MOB3B: variants seen among roughly 807,000 people sequenced by gnomAD.
MOB3B encodes MOB kinase activator 3B, also known as MOB kinase activator-like 2B.
Under a neutral mutation model 18.7 loss-of-function variants are expected in MOB3B, and 7 were observed. That is an observed-to-expected ratio of 0.37 (90% confidence interval 0.21 to 0.70). The LOEUF (loss-of-function observed/expected upper bound fraction) is 0.70, where lower values mean the gene tolerates loss of function less well. Among genes scored for constraint, MOB3B ranks in the 30% least tolerant of loss-of-function variants. MOB3B has a pLI of 0.52. For synonymous variants in MOB3B, 111 were observed against 99.9 expected, an observed-to-expected ratio of 1.11 and a Z score of -0.66; for missense variants, 253 against 281.3, an observed-to-expected ratio of 0.90 and a Z score of 0.72.
At position 27,326,780 on chromosome 9, in the gene MOB3B, G is replaced by A. The variant is rs749495396; in HGVS notation, c.*3807C>T. On this transcript the variant is annotated 3_prime_UTR_variant, in exon 4 of 4. Transcript: ENST00000262244. ...AGATCAGTATTTCTCAATTACAGCC[G>A]TGTAAGACATTTTCTTCCTAATCAT... is the stretch of plus-strand genomic sequence containing the variant. 2.9e-4 allele frequency: 115 copies of A among 394,594 alleles called. 1 individual carries two copies. Among genetic ancestry groups the A allele is most frequent in the South Asian group, 1.3e-3 (9 of 6,968 alleles). The allele number at this position is 394,594 out of a possible 1,614,324, so 24.4% of individuals were successfully genotyped here.
chr9:27,488,673 G>T (rs1293530107), intron 1 of MOB3B, among the ~76,000 whole-genome samples: 1 of 152,186 alleles, frequency 6.6e-6, no homozygotes, highest in Non-Finnish European at 1.5e-5. Flanking sequence ...CTGCCAAAGT[G>T]CTGGGATTAC....
Position 27,328,782 on chromosome 9 carries a change from T to G in MOB3B, c.*1805A>C, listed in dbSNP as rs1820745925. 1 of 152,624 alleles carries G rather than the reference T, an allele frequency of 6.6e-6. No individual in the cohort carries two copies. Among genetic ancestry groups the G allele is most frequent in the African/African-American group, 2.4e-5 (1 of 41,436 alleles). The allele number at this position is 152,624 out of a possible 1,614,324, so 9.5% of individuals were successfully genotyped here. On this transcript the variant is annotated 3_prime_UTR_variant, in exon 4 of 4. Coordinates refer to ENST00000262244, the MANE Select transcript of MOB3B (RefSeq NM_024761.5). ...AGGCTGGGACTTAGGGGCTCTTGTT[T>G]CTGTTCTCTGGATCTCTGTGATGGT...
chr9:27,398,954 T>C (rs973140204), intron 2 of MOB3B, among the ~76,000 whole-genome samples: 1 of 151,596 alleles, frequency 6.6e-6, no homozygotes, highest in African/African-American at 2.4e-5. Flanking sequence ...TTTTTTTTAA[T>C]CTGCAAAATG....
intron 3 of MOB3B, among the ~76,000 whole-genome samples, chr9:27,343,101 C>T (rs987597808): frequency 6.6e-6 from 1 of 151,926 alleles, no homozygotes; most frequent in Non-Finnish European, 1.5e-5. Context: ...AAGAAGTAGA[C>T]ATGGGAGACT....
intron 1 of MOB3B, among the ~76,000 whole-genome samples, chr9:27,487,775 T>C (rs1485886005): frequency 2.0e-5 from 3 of 152,206 alleles, no homozygotes; most frequent in Non-Finnish European, 2.9e-5. Flanking sequence ...AGATTCTTCA[T>C]GTACATCTTT....
At chr9:27,386,818 T>C (rs1821656032) in intron 2 of MOB3B, among the ~76,000 whole-genome samples, 4 of 152,242 alleles carry the variant, frequency 2.6e-5, no homozygotes, top group Admixed American at 1.3e-4. Flanking sequence ...TCTTGTGTTA[T>C]ATCCCTCATT....
At chr9:27,415,237 A>G (rs1348363058) in intron 2 of MOB3B, among the ~76,000 whole-genome samples, 2 of 152,228 alleles carry the variant, frequency 1.3e-5, no homozygotes, top group African/African-American at 4.8e-5. Flanking sequence ...TAATATGTAA[A>G]GACAAATATG....
chr9:27,522,098 G>C (rs112086913), intron 1 of MOB3B, among the ~76,000 whole-genome samples: 4,034 of 151,432 alleles, frequency 0.027, 95 homozygotes, highest in African/African-American at 0.056. Context: ...AAAAATTAAC[G>C]AGACATGGTG....
At chr9:27,401,440 C>T (rs760417153) in intron 2 of MOB3B, among the ~76,000 whole-genome samples, 6 of 152,190 alleles carry the variant, frequency 3.9e-5, no homozygotes, top group Non-Finnish European at 8.8e-5. Context: ...CCCTGGTCCA[C>T]GGAGGTGGGA....
chr9:27,364,725 T>A (rs1011899967), intron 2 of MOB3B, among the ~76,000 whole-genome samples: 3 of 152,076 alleles, frequency 2.0e-5, no homozygotes, highest in African/African-American at 7.3e-5. Flanking sequence ...GTTGTGCAGA[T>A]TAATTACATA....
chr9:27,480,676 C>T (rs915681558), intron 1 of MOB3B, among the ~76,000 whole-genome samples: 2 of 152,036 alleles, frequency 1.3e-5, no homozygotes. Flanking sequence ...CTTGATCTGC[C>T]TGCCTGGGCC....
At chr9:27,486,804 A>G (rs1001335073) in intron 1 of MOB3B, among the ~76,000 whole-genome samples, 2 of 152,188 alleles carry the variant, frequency 1.3e-5, no homozygotes, top group African/African-American at 2.4e-5. Flanking sequence ...TTGGCCATGT[A>G]TAAAGTGGAA....
chr9:27,387,181 C>A (rs1294451845), intron 2 of MOB3B, among the ~76,000 whole-genome samples: 1 of 152,090 alleles, frequency 6.6e-6, no homozygotes, highest in South Asian at 2.1e-4. Flanking sequence ...AATGAATAAT[C>A]ATTCATTTAA....
At chr9:27,394,128 A>G (rs1821767058) in intron 2 of MOB3B, 1 of 152,176 alleles carries the variant, frequency 6.6e-6, no homozygotes, top group Non-Finnish European at 1.5e-5. Flanking sequence ...TGGTTCTTTC[A>G]TCATAAGTTG....
rs531821003 is a variant in MOB3B at position 27,397,135 on chromosome 9, T to G, written c.419-37899A>C. 2.0e-5 allele frequency: 3 copies of G among 152,252 alleles called. No individual in the cohort carries two copies. The South Asian group carries it at 6.2e-4, about 32-fold the overall frequency. The allele number at this position is 152,252 out of a possible 1,614,324, so 9.4% of individuals were successfully genotyped here. On this transcript the variant is annotated intron_variant, in intron 2 of 3. Coordinates refer to ENST00000262244, the MANE Select transcript of MOB3B (RefSeq NM_024761.5). ...TCCTTCTTCTTTGTTCAACAGAAGT[T>G]GGGGAAGAGGGAAAATGCAGGAAGA...
At chr9:27,464,623 T>C (rs1369197691) in intron 1 of MOB3B, among the ~76,000 whole-genome samples, 1 of 152,256 alleles carries the variant, frequency 6.6e-6, no homozygotes. Flanking sequence ...CTAAACTGTT[T>C]AAAAAGTTAT....
intron 3 of MOB3B, among the ~76,000 whole-genome samples, chr9:27,344,326 G>T (rs766079410): frequency 1.3e-5 from 2 of 152,196 alleles, no homozygotes; most frequent in Non-Finnish European, 2.9e-5. Flanking sequence ...AACTAATTCA[G>T]TTCCCTCTGT....
chr9:27,493,869 A>G (rs1819858965), intron 1 of MOB3B, among the ~76,000 whole-genome samples: 1 of 152,210 alleles, frequency 6.6e-6, no homozygotes, highest in African/African-American at 2.4e-5. Context: ...AATGTTTAGG[A>G]AAAAAGAGAG....
intron 1 of MOB3B, among the ~76,000 whole-genome samples, chr9:27,462,304 A>G (rs1299256661): frequency 2.6e-5 from 4 of 152,142 alleles, no homozygotes; most frequent in African/African-American, 9.7e-5. Flanking sequence ...GCTGGAAAAT[A>G]TTCATTTTTG....
Sources: allele counts gnomAD v4.1 joint callset (sites outside exome capture counted in the v4.1 genomes callset), GRCh38; gene constraint gnomAD v4.1.1; transcripts MANE v1.5; gene names NCBI Gene and HGNC (gene_info 2026-07-23, HGNC 2026-07-21).